Variants in CACNA1E observed in about 807,000 individuals in gnomAD.
The protein encoded by CACNA1E is voltage-dependent R-type calcium channel subunit alpha-1E.
In CACNA1E, 40 loss-of-function variants were observed where a neutral mutation model predicts 259.2. The ratio of observed to expected loss-of-function variants is 0.15; its 90% CI spans 0.12 to 0.20. The LOEUF (loss-of-function observed/expected upper bound fraction) is 0.20. Ranked by LOEUF, CACNA1E falls within the 10% of genes least tolerant of loss-of-function variation. CACNA1E has a pLI of 1.00. For synonymous variants in CACNA1E, 1,104 were observed against 1,138.5 expected (o/e 0.97, Z 0.61); for missense variants, 1,874 against 3,040.1 (o/e 0.62, Z 9.02).
chr1:181,471,915 T>C (rs1386377603), intron 2 of CACNA1E, among the ~76,000 whole-genome samples: 1 of 152,198 alleles, frequency 6.6e-6, no homozygotes, highest in Non-Finnish European at 1.5e-5. Flanking sequence ...AGTAATCCCT[T>C]TTCTGATATC....
At chr1:181,564,778 T>G (rs1332539148) in intron 3 of CACNA1E, among the ~76,000 whole-genome samples, 1 of 152,252 alleles carries the variant, frequency 6.6e-6, no homozygotes, top group South Asian at 2.1e-4. Context: ...TCTTGATCCA[T>G]GGACTGCAGA....
chr1:181,637,787 G>A (rs773004628), intron 6 of CACNA1E, among the ~76,000 whole-genome samples: 27 of 152,334 alleles, frequency 1.8e-4, no homozygotes, highest in Non-Finnish European at 3.7e-4. Context: ...CTGACTCTGG[G>A]AAGGTTTTTT....
intron 43 of CACNA1E, among the ~76,000 whole-genome samples, chr1:181,787,311 C>T (rs948869096): frequency 4.6e-5 from 7 of 152,028 alleles, no homozygotes; most frequent in African/African-American, 7.2e-5. Flanking sequence ...GGGGTTTCAC[C>T]GTGTTAGCCA....
chr1:181,656,754 T>G (rs893085443), intron 7 of CACNA1E, among the ~76,000 whole-genome samples: 1 of 152,216 alleles, frequency 6.6e-6, no homozygotes, highest in Non-Finnish European at 1.5e-5. Flanking sequence ...CTCTACGGTG[T>G]ACCATTTTTT....
At position 181,717,252 on chromosome 1, in the gene CACNA1E, G is replaced by A; in HGVS notation, c.1475G>A (p.Cys492Tyr). 6.2e-7 allele frequency: 1 copy of A among 1,613,994 alleles called. No homozygotes were observed. The highest frequency in any genetic ancestry group is 1.1e-5 in the South Asian group (1 of 91,084). Residue 492 changes from cysteine to tyrosine, a missense_variant, in exon 11 of 48, where the codon TGT becomes TAT. Physicochemically the swap from Cys to Tyr is radical, Grantham distance 194. Transcript: ENST00000367573. ...VLSLVALNTA[C>Y]VAIVHHNQPQ... ...AGCCTTGTGGCACTCAACACTGCCT[G>A]TGTGGCCATTGTCCATCACAACCAG... is the stretch of plus-strand genomic sequence containing the variant.
intron 1 of CACNA1E, among the ~76,000 whole-genome samples, chr1:181,377,199 TGAGTAATCAG>T (rs1327509636): frequency 6.6e-6 from 1 of 152,168 alleles, no homozygotes; most frequent in East Asian, 1.9e-4. Flanking sequence ...AAATATTTTT[TGAGTAATCAG>T]AATAGACTTT....
intron 1 of CACNA1E, among the ~76,000 whole-genome samples, chr1:181,359,254 C>G (rs1571656819): frequency 1.3e-5 from 2 of 152,038 alleles, no homozygotes; most frequent in Admixed American, 1.3e-4. Flanking sequence ...GACATATAAA[C>G]AAATAAGTAC....
intron 3 of CACNA1E, among the ~76,000 whole-genome samples, chr1:181,524,685 G>A (rs1667227062): frequency 1.3e-5 from 2 of 152,236 alleles, no homozygotes; most frequent in South Asian, 4.1e-4. Context: ...AGTGGAAAGA[G>A]AGAGTAAGAA....
intron 39 of CACNA1E, 30 bp from the exon 40 acceptor site, chr1:181,783,649 C>A: frequency 9.6e-7 from 1 of 1,046,364 alleles, no homozygotes; most frequent in Non-Finnish European, 1.4e-6. Flanking sequence ...TTTTTTTTTG[C>A]CTGCTGTTTC....
chr1:181,703,120 A>G (rs895110308), intron 7 of CACNA1E, among the ~76,000 whole-genome samples: 1 of 152,098 alleles, frequency 6.6e-6, no homozygotes, highest in Non-Finnish European at 1.5e-5. Context: ...ATATCCTCAT[A>G]TTCTAAAACA....
At chr1:181,686,389 C>T (rs574265412) in intron 7 of CACNA1E, among the ~76,000 whole-genome samples, 107 of 143,804 alleles carry the variant, frequency 7.4e-4, no homozygotes, top group South Asian at 1.3e-3. Flanking sequence ...TGGGTTCAAG[C>T]GATTCTCCTG....
intron 6 of CACNA1E, among the ~76,000 whole-genome samples, chr1:181,584,239 T>C (rs563221627): frequency 1.3e-5 from 2 of 152,366 alleles, no homozygotes; most frequent in South Asian, 4.1e-4. Context: ...TTCATTTGTA[T>C]TTCTGTAGTT....
intron 1 of CACNA1E, among the ~76,000 whole-genome samples, chr1:181,409,946 A>C (rs1054891343): frequency 1.3e-5 from 2 of 152,112 alleles, no homozygotes; most frequent in Non-Finnish European, 2.9e-5. Flanking sequence ...AGAGGGTGGG[A>C]TGGGTCAGGA....
intron 1 of CACNA1E, among the ~76,000 whole-genome samples, chr1:181,350,675 C>T (rs1050933798): frequency 3.9e-5 from 6 of 152,170 alleles, no homozygotes; most frequent in African/African-American, 1.4e-4. Context: ...GAGGCATTTC[C>T]ACCCAGACTG....
chr1:181,328,494 C>T (rs191503506), intron 1 of CACNA1E, among the ~76,000 whole-genome samples: 274 of 152,212 alleles, frequency 1.8e-3, no homozygotes, highest in Admixed American at 4.8e-3. Context: ...TCCTACTGTT[C>T]CATTGCCTAA....
At chr1:181,566,279 T>G (rs1180253275) in intron 3 of CACNA1E, among the ~76,000 whole-genome samples, 1 of 152,242 alleles carries the variant, frequency 6.6e-6, no homozygotes, top group East Asian at 1.9e-4. Context: ...TGGAGCTAGC[T>G]AGTTTCTCTC....
chr1:181,425,644 T>C (rs988482104), intron 2 of CACNA1E, among the ~76,000 whole-genome samples: 27 of 149,302 alleles, frequency 1.8e-4, no homozygotes, highest in African/African-American at 5.4e-4. Flanking sequence ...GTGAGAAGGC[T>C]GAGGCGCAGA....
chr1:181,410,880 C>T (rs1177330005), intron 1 of CACNA1E, among the ~76,000 whole-genome samples: 3 of 152,272 alleles, frequency 2.0e-5, no homozygotes, highest in Middle Eastern at 3.4e-3. Context: ...TTTGACTTGC[C>T]GTCCAACCCA....
chr1:181,684,876 CTTTTTT>C (rs34538225), intron 7 of CACNA1E, among the ~76,000 whole-genome samples: 5 of 135,152 alleles, frequency 3.7e-5, no homozygotes, highest in African/African-American at 1.1e-4. Flanking sequence ...TTTTTAAATC[CTTTTTT>C]TTTTTTTTTG....
Sources: gnomAD v4.1 joint callset for allele counts (sites outside exome capture counted in the v4.1 genomes callset) on GRCh38, gnomAD v4.1.1 for gene constraint, MANE v1.5 for transcripts, NCBI Gene and HGNC (gene_info 2026-07-23, HGNC 2026-07-21) for gene names.